The following UBE3C variants were observed in gnomAD, a reference collection of about 807,000 sequenced individuals.
The protein encoded by UBE3C is ubiquitin-protein ligase E3C.
Under a neutral mutation model 129.4 loss-of-function variants are expected in UBE3C, and 42 were observed. The ratio of observed to expected loss-of-function variants is 0.32; its 90% CI spans 0.25 to 0.42. The LOEUF (loss-of-function observed/expected upper bound fraction) is 0.42, where lower values mean the gene tolerates loss of function less well. UBE3C is among the 10% of genes least tolerant of loss of function. UBE3C has a pLI of 1.00. For synonymous variants in UBE3C, 510 were observed against 492.4 expected (o/e 1.04, Z -0.47); for missense variants, 1,049 against 1,319.1 (o/e 0.80, Z 3.17).
chr7:157,181,166 A>G (rs1808655601), intron 6 of UBE3C, among the ~76,000 whole-genome samples: 1 of 152,236 alleles, frequency 6.6e-6, no homozygotes, highest in Admixed American at 6.5e-5. Context: ...AGACTTGAAT[A>G]CTGACTAGAT....
At chr7:157,266,709 C>T (rs1797087272) in intron 22 of UBE3C, among the ~76,000 whole-genome samples, 1 of 152,188 alleles carries the variant, frequency 6.6e-6, no homozygotes. Context: ...ATAGCTTGTA[C>T]AGGAAAGATA....
intron 10 of UBE3C, chr7:157,192,922 T>G (rs1809013279): frequency 3.0e-6 from 2 of 661,816 alleles, no homozygotes; most frequent in Non-Finnish European, 5.4e-6. Context: ...AATGCCACTT[T>G]CCCCCATTTT....
chr7:157,159,752 G>C (rs1032100575), intron 1 of UBE3C, among the ~76,000 whole-genome samples: 1 of 152,118 alleles, frequency 6.6e-6, no homozygotes, highest in East Asian at 1.9e-4. Flanking sequence ...TAATCCCGGC[G>C]GCGGAGGTTG....
chr7:157,152,136 C>T (rs1456034389), intron 1 of UBE3C, among the ~76,000 whole-genome samples: 2 of 151,986 alleles, frequency 1.3e-5, no homozygotes, highest in Non-Finnish European at 2.9e-5. Flanking sequence ...AGGTTGTGGC[C>T]AGAATGGGGG....
At chr7:157,213,251 C>CT (rs1809647998) in intron 13 of UBE3C, among the ~76,000 whole-genome samples, 1 of 152,216 alleles carries the variant, frequency 6.6e-6, no homozygotes, top group Non-Finnish European at 1.5e-5. Context: ...CTAGATACAG[C>CT]TAGTTGTTCC....
At chr7:157,260,595 A>G (rs1034562941) in intron 22 of UBE3C, among the ~76,000 whole-genome samples, 2 of 152,190 alleles carry the variant, frequency 1.3e-5, no homozygotes, top group Non-Finnish European at 2.9e-5. Context: ...CCATTTGGTA[A>G]TTTTGTCATT....
chr7:157,200,716 C>G (rs1271468737), intron 10 of UBE3C, among the ~76,000 whole-genome samples: 1 of 152,090 alleles, frequency 6.6e-6, no homozygotes, highest in Non-Finnish European at 1.5e-5. Flanking sequence ...CTCACTGCAG[C>G]CTTGAACTCC....
At chr7:157,183,268 T>G (rs766520436) in intron 8 of UBE3C, among the ~76,000 whole-genome samples, 1 of 151,782 alleles carries the variant, frequency 6.6e-6, no homozygotes, top group Non-Finnish European at 1.5e-5. Context: ...CGATTACAAG[T>G]AGTAGGTTGT....
chr7:157,188,357 T>A (rs1363978725), intron 10 of UBE3C, among the ~76,000 whole-genome samples: 1 of 152,238 alleles, frequency 6.6e-6, no homozygotes, highest in African/African-American at 2.4e-5. Flanking sequence ...AACACTAATG[T>A]GGCCAACTAA....
At chr7:157,197,524 T>A (rs77100778) in intron 10 of UBE3C, 9 of 807,228 alleles carry the variant, frequency 1.1e-5, no homozygotes, top group Admixed American at 6.7e-5. Flanking sequence ...TTTTTTTTTT[T>A]AATGCTGGAG....
chr7:157,216,515 C>G (rs1395959288), intron 13 of UBE3C, among the ~76,000 whole-genome samples: 1 of 152,114 alleles, frequency 6.6e-6, no homozygotes, highest in Non-Finnish European at 1.5e-5. Context: ...CCACCCTCCC[C>G]CTTCAAGTAG....
intron 18 of UBE3C, among the ~76,000 whole-genome samples, chr7:157,237,942 C>T (rs960082288): frequency 6.6e-6 from 1 of 151,550 alleles, no homozygotes; most frequent in Non-Finnish European, 1.5e-5. Context: ...GTCCCAGCTA[C>T]TTGGGAGGCT....
chr7:157,171,686 A>ATTTTTTTTTTTTTTTTTTTTTTTTT (rs77471740), intron 4 of UBE3C, among the ~76,000 whole-genome samples: 1 of 37,634 alleles, frequency 2.7e-5, no homozygotes. Context: ...ATATATATAT[A>ATTTTTTTTTTTTTTTTTTTTTTTTT]TTTTTTTTTT....
chr7:157,169,662 C>T (rs1327596168), intron 3 of UBE3C, among the ~76,000 whole-genome samples: 2 of 152,018 alleles, frequency 1.3e-5, no homozygotes, highest in African/African-American at 4.8e-5. Context: ...AAGCATAAGC[C>T]ACTGCGCCTG....
At chr7:157,260,240 C>G (rs577272720) in intron 22 of UBE3C, among the ~76,000 whole-genome samples, 3 of 152,094 alleles carry the variant, frequency 2.0e-5, no homozygotes, top group Admixed American at 6.5e-5. Context: ...TGAGAGAAGC[C>G]TGAATGTTAC....
At chr7:157,223,498 T>C (rs1487903239) in intron 16 of UBE3C, 147 bp downstream of exon 16, 1 of 650,278 alleles carries the variant, frequency 1.5e-6, no homozygotes, top group Non-Finnish European at 2.5e-6. Flanking sequence ...TAGCTAAGAA[T>C]GATTTATAAA....
At chr7:157,167,513 T>C (rs1014062301) in intron 2 of UBE3C, among the ~76,000 whole-genome samples, 2 of 152,102 alleles carry the variant, frequency 1.3e-5, no homozygotes, top group Admixed American at 6.6e-5. Context: ...ACTGTGCATT[T>C]GTATATAAAA....
intron 9 of UBE3C, among the ~76,000 whole-genome samples, 175 bp from the exon 10 acceptor site, chr7:157,186,659 C>G (rs1808814231): frequency 6.6e-6 from 1 of 152,134 alleles, no homozygotes; most frequent in Non-Finnish European, 1.5e-5. Flanking sequence ...TGGATGCCTA[C>G]TGTTGACTGG....
chr7:157,224,188 TA>T (rs1447256140), intron 16 of UBE3C, among the ~76,000 whole-genome samples: 2 of 151,970 alleles, frequency 1.3e-5, no homozygotes, highest in African/African-American at 4.8e-5. Flanking sequence ...AACACTACTT[TA>T]TTTTTTTTGT....
Sources: allele counts gnomAD v4.1 joint callset (sites outside exome capture counted in the v4.1 genomes callset), GRCh38; gene constraint gnomAD v4.1.1; transcripts MANE v1.5; gene names NCBI Gene and HGNC (gene_info 2026-07-23, HGNC 2026-07-21).